The following SH3GL2 variants were observed in gnomAD, a reference collection of about 807,000 sequenced individuals.
SH3GL2 encodes the protein endophilin-A1.
Under a neutral mutation model 46.0 loss-of-function variants are expected in SH3GL2, and 24 were observed. The ratio of observed to expected loss-of-function variants is 0.52; its 90% CI spans 0.38 to 0.73. The LOEUF is 0.73. Ranked by LOEUF, SH3GL2 falls within the 30% of genes least tolerant of loss-of-function variation. The pLI is 0.00. For missense variants in SH3GL2, 413 were observed against 424.2 expected (o/e 0.97, Z 0.23); for synonymous variants, 196 against 147.1 (o/e 1.33, Z -2.40).
At chr9:17,685,213 C>T (rs564760476) in intron 1 of SH3GL2, among the ~76,000 whole-genome samples, 11 of 152,066 alleles carry the variant, frequency 7.2e-5, no homozygotes, top group African/African-American at 2.7e-4. Context: ...ATCCTGTGAT[C>T]TTGGGAACTG....
intron 1 of SH3GL2, among the ~76,000 whole-genome samples, chr9:17,631,744 TTACTA>T (rs1819431283): frequency 1.3e-5 from 2 of 152,170 alleles, no homozygotes; most frequent in South Asian, 2.1e-4. Context: ...ACTTAACAAT[TTACTA>T]TACTTTTTCT....
intron 1 of SH3GL2, among the ~76,000 whole-genome samples, chr9:17,672,620 C>G (rs1439717225): frequency 6.6e-6 from 1 of 152,156 alleles, no homozygotes; most frequent in African/African-American, 2.4e-5. Context: ...TTCTCTCCCT[C>G]TTTCTGGGAG....
chr9:17,707,490 T>C (rs998405648), intron 1 of SH3GL2, among the ~76,000 whole-genome samples: 4 of 152,038 alleles, frequency 2.6e-5, no homozygotes, highest in South Asian at 2.1e-4. Flanking sequence ...CCTTCTAGCA[T>C]TCTCTGTGAT....
chr9:17,679,293 C>G (rs1471800239), intron 1 of SH3GL2, among the ~76,000 whole-genome samples: 1 of 152,132 alleles, frequency 6.6e-6, no homozygotes, highest in East Asian at 1.9e-4. Flanking sequence ...TTGTTTGTTT[C>G]CTCTTTTATT....
intron 3 of SH3GL2, among the ~76,000 whole-genome samples, chr9:17,782,174 A>G (rs1277544361): frequency 6.6e-6 from 1 of 152,138 alleles, no homozygotes; most frequent in African/African-American, 2.4e-5. Flanking sequence ...GGAATGCATA[A>G]TTGTTTCCAG....
At chr9:17,651,834 CATTACTTCAGTAGTTATTTTT>C (rs1415952471) in intron 1 of SH3GL2, among the ~76,000 whole-genome samples, 1 of 152,140 alleles carries the variant, frequency 6.6e-6, no homozygotes, top group Non-Finnish European at 1.5e-5. Context: ...TTTTCTCACT[CATTACTTCAGTAGTTATTTTT>C]CCTCTATTTT....
Position 17,769,328 on chromosome 9 carries a change from C to T in SH3GL2, c.187+7819C>T, listed in dbSNP as rs139542172. Among the ~76,000 whole-genome samples, 32 of 152,234 alleles carry T rather than the reference C, an allele frequency of 2.1e-4. No homozygotes were observed. In the East Asian group the frequency reaches 5.8e-3, roughly 28 times the overall value. ...AATTCTATTCTTTTATTGCACTTTTCATAATATTTACTTTATGCAACTTAT... is the reference window on the plus strand; with the variant it reads ...AATTCTATTCTTTTATTGCACTTTTTATAATATTTACTTTATGCAACTTAT... On this transcript the variant is annotated intron_variant, in intron 3 of 8. Transcript: ENST00000380607.
chr9:17,788,942 T>C (rs1318724617), intron 5 of SH3GL2, among the ~76,000 whole-genome samples: 3 of 152,212 alleles, frequency 2.0e-5, no homozygotes, highest in Non-Finnish European at 4.4e-5. Context: ...AAAGCAAGAC[T>C]GCCATTTCTA....
chr9:17,762,854 T>C (rs1823217382), intron 3 of SH3GL2, among the ~76,000 whole-genome samples: 1 of 152,184 alleles, frequency 6.6e-6, no homozygotes, highest in African/African-American at 2.4e-5. Context: ...TAAACCACTG[T>C]CATAGGTCAA....
chr9:17,600,213 G>C (rs1419030750), intron 1 of SH3GL2, among the ~76,000 whole-genome samples: 1 of 152,110 alleles, frequency 6.6e-6, no homozygotes, highest in African/African-American at 2.4e-5. Flanking sequence ...AAGCCTTCCT[G>C]GATGAACTGG....
At chr9:17,748,617 G>C (rs1019650360) in intron 2 of SH3GL2, among the ~76,000 whole-genome samples, 1 of 151,868 alleles carries the variant, frequency 6.6e-6, no homozygotes, top group African/African-American at 2.4e-5. Context: ...TTTTTCTCTT[G>C]GTGAGTTTAT....
intron 8 of SH3GL2, among the ~76,000 whole-genome samples, chr9:17,795,098 C>G (rs979400066): frequency 1.3e-5 from 2 of 152,146 alleles, no homozygotes; most frequent in Admixed American, 1.3e-4. Context: ...CCATGTAATT[C>G]ACCATACTTT....
chr9:17,594,254 T>C (rs1818532905), intron 1 of SH3GL2, among the ~76,000 whole-genome samples: 1 of 152,222 alleles, frequency 6.6e-6, no homozygotes, highest in Non-Finnish European at 1.5e-5. Context: ...CTAGTTATCC[T>C]GACACCTTGC....
chr9:17,629,494 A>G (rs1304616953), intron 1 of SH3GL2, among the ~76,000 whole-genome samples: 1 of 152,178 alleles, frequency 6.6e-6, no homozygotes, highest in East Asian at 1.9e-4. Flanking sequence ...ATTTCATAAC[A>G]TTCTTCCAAA....
chr9:17,792,879 C>G (rs998048661), intron 7 of SH3GL2, among the ~76,000 whole-genome samples: 1 of 152,184 alleles, frequency 6.6e-6, no homozygotes, highest in Non-Finnish European at 1.5e-5. Context: ...GTCTCCCTTA[C>G]AGACCATAAT....
chr9:17,678,462 G>A (rs1016636202), intron 1 of SH3GL2, among the ~76,000 whole-genome samples: 41 of 152,098 alleles, frequency 2.7e-4, no homozygotes, highest in South Asian at 6.2e-4. Flanking sequence ...CATATCCTTC[G>A]CCCACTTTTT....
At chr9:17,752,233 A>G (rs1455011524) in intron 2 of SH3GL2, among the ~76,000 whole-genome samples, 1 of 152,158 alleles carries the variant, frequency 6.6e-6, no homozygotes, top group Non-Finnish European at 1.5e-5. Flanking sequence ...TCTCGCTGCC[A>G]GACAGACCTT....
intron 1 of SH3GL2, among the ~76,000 whole-genome samples, chr9:17,706,075 G>A (rs956845347): frequency 1.3e-5 from 2 of 152,018 alleles, no homozygotes; most frequent in Admixed American, 6.6e-5. Flanking sequence ...TGATATCAAA[G>A]TAATGTCGAT....
At position 17,774,565 on chromosome 9, in the gene SH3GL2, T is replaced by C. The variant is rs771599425; in HGVS notation, c.188-11816T>C. Among the ~76,000 whole-genome samples, 26 of 151,824 alleles carry C rather than the reference T, an allele frequency of 1.7e-4. No homozygotes were observed. The East Asian group carries it at 3.1e-3, about 18-fold the overall frequency. On this transcript the variant is annotated intron_variant, in intron 3 of 8. Transcript: ENST00000380607. ...TCGTGTGTGTGGTTTTTTTTTTTAC[T>C]CTATTTTGTTAATGTGAGGTATTAG...
Sources: allele counts gnomAD v4.1 joint callset (sites outside exome capture counted in the v4.1 genomes callset), GRCh38; gene constraint gnomAD v4.1.1; transcripts MANE v1.5; gene names NCBI Gene and HGNC (gene_info 2026-07-23, HGNC 2026-07-21).